The following SOX5 variants were observed in gnomAD, a reference collection of about 807,000 sequenced individuals.
SOX5 encodes SRY-box transcription factor 5, also known as transcription factor SOX-5.
In SOX5, 9 loss-of-function variants were observed where a neutral mutation model predicts 92.0. The observed-to-expected ratio is 0.10, with a 90% CI of 0.06 to 0.17. The LOEUF (loss-of-function observed/expected upper bound fraction) is 0.17. SOX5 is among the 10% of genes least tolerant of loss of function. The probability of loss-of-function intolerance (pLI) is 1.00; values close to 1 mark genes in which losing one functional copy is unlikely to be tolerated. For synonymous variants in SOX5, 344 were observed against 336.3 expected (o/e 1.02, Z -0.25); for missense variants, 642 against 944.5 (o/e 0.68, Z 4.20).
At chr12:23,605,525 T>C (rs1353891981) in intron 8 of SOX5, among the ~76,000 whole-genome samples, 2 of 151,004 alleles carry the variant, frequency 1.3e-5, no homozygotes, top group East Asian at 3.9e-4. Flanking sequence ...GTTTCTTATT[T>C]CTCATTTGTC....
chr12:24,399,209 A>T (rs1208322129), intron 1 of SOX5, among the ~76,000 whole-genome samples: 1 of 152,174 alleles, frequency 6.6e-6, no homozygotes, highest in Non-Finnish European at 1.5e-5. Flanking sequence ...ACAAACAGAA[A>T]AACACGTGAG....
intron 1 of SOX5, among the ~76,000 whole-genome samples, chr12:23,914,300 A>G (rs1465613035): frequency 6.6e-6 from 1 of 152,188 alleles, no homozygotes; most frequent in Non-Finnish European, 1.5e-5. Flanking sequence ...AAAGTAGAAC[A>G]TTATACTCAA....
Position 23,973,160 on chromosome 12 carries a change from C to CTTT in SOX5, c.-1-77139_-1-77137dup, listed in dbSNP as rs60609193. Among the ~76,000 whole-genome samples the CTTT allele has an allele frequency of 6.3e-4, 71 of 111,972 alleles. 2 individuals are homozygous for CTTT. Among genetic ancestry groups the CTTT allele is most frequent in the East Asian group, 2.4e-3 (10 of 4,166 alleles). The allele number at this position is 111,972 out of a possible 152,430, so 73.5% of individuals were successfully genotyped here. On this transcript the variant is annotated intron_variant, in intron 4 of 4. Transcript: ENST00000446891. Reference sequence around the variant, plus strand: ...AAATGACAGAATTTCTAACTTTTTTCTTTTTTTTTTTTTTTTTTTGAGACA... The same window carrying CTTT: ...AAATGACAGAATTTCTAACTTTTTTCTTTTTTTTTTTTTTTTTTTTTTGAGACA...
intron 4 of SOX5, among the ~76,000 whole-genome samples, chr12:24,200,337 T>G (rs1234694161): frequency 6.6e-6 from 1 of 152,182 alleles, no homozygotes; most frequent in Non-Finnish European, 1.5e-5. Flanking sequence ...TCTCAATCAT[T>G]GGTGATTAGA....
At chr12:23,978,702 T>G (rs1055103469) in intron 4 of SOX5, among the ~76,000 whole-genome samples, 3 of 152,168 alleles carry the variant, frequency 2.0e-5, no homozygotes, top group African/African-American at 4.8e-5. Flanking sequence ...GTGTTCCATA[T>G]CTAGCTCTAA....
At chr12:23,953,011 G>A (rs1414988558), upstream of SOX5, among the ~76,000 whole-genome samples, 1 of 152,048 alleles carries the variant, frequency 6.6e-6, no homozygotes, top group South Asian at 2.1e-4. Flanking sequence ...AAGGCTTTCA[G>A]GTAATTGTTA....
chr12:23,818,193 T>C (rs2096034795), intron 3 of SOX5, among the ~76,000 whole-genome samples: 1 of 152,182 alleles, frequency 6.6e-6, no homozygotes. Flanking sequence ...TAGGTGATGT[T>C]GTCATTATGT....
At chr12:24,074,972 G>A (rs1312189794) in intron 4 of SOX5, among the ~76,000 whole-genome samples, 2 of 151,022 alleles carry the variant, frequency 1.3e-5, no homozygotes, top group African/African-American at 2.4e-5. Context: ...TCATTAATAG[G>A]CAATGCCAGC....
intron 10 of SOX5, among the ~76,000 whole-genome samples, chr12:23,570,149 TG>T (rs1233852565): frequency 3.3e-5 from 5 of 152,204 alleles, no homozygotes; most frequent in Non-Finnish European, 7.3e-5. Flanking sequence ...ATATAGGAGT[TG>T]TAAGTAAAAG....
At chr12:24,462,416 A>C (rs1210323525) in intron 1 of SOX5, among the ~76,000 whole-genome samples, 1 of 152,228 alleles carries the variant, frequency 6.6e-6, no homozygotes, top group Admixed American at 6.5e-5. Context: ...GAAAGTCTCC[A>C]ACAATATTCA....
At chr12:24,351,234 T>A (rs930522156) in intron 2 of SOX5, among the ~76,000 whole-genome samples, 1 of 152,274 alleles carries the variant, frequency 6.6e-6, no homozygotes, top group South Asian at 2.1e-4. Context: ...AATTAAAATT[T>A]AAAAAAACTA....
At chr12:23,570,537 G>A (rs967117641) in intron 10 of SOX5, among the ~76,000 whole-genome samples, 2 of 151,936 alleles carry the variant, frequency 1.3e-5, no homozygotes, top group African/African-American at 2.4e-5. Flanking sequence ...CAGCACTTTG[G>A]GGGGCTGACG....
chr12:23,843,973 C>T (rs750474451), intron 3 of SOX5, among the ~76,000 whole-genome samples: 1 of 152,182 alleles, frequency 6.6e-6, no homozygotes. Context: ...TGCTCCTAGA[C>T]TTATGATAGG....
chr12:24,376,689 C>CTTTTTTTTTTTTT (rs1480014070), intron 1 of SOX5, among the ~76,000 whole-genome samples: 3 of 93,084 alleles, frequency 3.2e-5, no homozygotes, highest in Non-Finnish European at 2.1e-5. Context: ...GGGAGAGATA[C>CTTTTTTTTTTTTT]CTTTTTTTTT....
intron 6 of SOX5, among the ~76,000 whole-genome samples, chr12:23,676,354 A>T (rs577128035): frequency 2.0e-5 from 3 of 152,316 alleles, no homozygotes; most frequent in Non-Finnish European, 2.9e-5. Context: ...AAAAACAGGC[A>T]AATGAATAAC....
At chr12:23,643,292 G>A (rs970456954) in intron 7 of SOX5, among the ~76,000 whole-genome samples, 1 of 152,138 alleles carries the variant, frequency 6.6e-6, no homozygotes, top group Non-Finnish European at 1.5e-5. Context: ...AGTATGTACT[G>A]GGTTTGTAAA....
At chr12:23,715,809 CAAAAA>C (rs35450544) in intron 6 of SOX5, among the ~76,000 whole-genome samples, 1 of 72,820 alleles carries the variant, frequency 1.4e-5, no homozygotes. Flanking sequence ...AGTAATTTCC[CAAAAA>C]AAAAAAAAAA....
At chr12:23,822,738 G>A (rs2142796886) in intron 3 of SOX5, among the ~76,000 whole-genome samples, 1 of 152,138 alleles carries the variant, frequency 6.6e-6, no homozygotes, top group East Asian at 1.9e-4. Flanking sequence ...CACTATTATT[G>A]TACTATTATC....
intron 1 of SOX5, among the ~76,000 whole-genome samples, chr12:24,518,381 T>C (rs540840247): frequency 5.3e-5 from 8 of 152,296 alleles, no homozygotes; most frequent in Admixed American, 5.2e-4. Context: ...ACAAACCTCA[T>C]TTTAAATTAG....
Sources: gnomAD v4.1 joint callset for allele counts (sites outside exome capture counted in the v4.1 genomes callset) on GRCh38, gnomAD v4.1.1 for gene constraint, MANE v1.5 for transcripts, NCBI Gene and HGNC (gene_info 2026-07-23, HGNC 2026-07-21) for gene names.